TMEM38B: variants seen among roughly 807,000 people sequenced by gnomAD.
TMEM38B encodes trimeric intracellular cation channel type B.
In TMEM38B, 24 loss-of-function variants were observed where a neutral mutation model predicts 28.7. The observed-to-expected ratio is 0.84, with a 90% CI of 0.61 to 1.18. The LOEUF (loss-of-function observed/expected upper bound fraction) is 1.18. Ranked by LOEUF, TMEM38B falls within the 50% of genes most tolerant of loss-of-function variation. The pLI is 0.00. For synonymous variants in TMEM38B, 131 were observed against 127.7 expected, an observed-to-expected ratio of 1.03 and a Z score of -0.17; for missense variants, 380 against 350.9, an observed-to-expected ratio of 1.08 and a Z score of -0.66.
chr9:105,760,284 C>T, intron 5 of TMEM38B: 1 of 785,284 alleles, frequency 1.3e-6, no homozygotes, highest in Non-Finnish European at 2.3e-6. Context: ...GTGTGCTATG[C>T]TGTGCTGAAA....
In TMEM38B at chr9:105,775,443, T is replaced by C. The variant is rs1233183124; in HGVS notation, c.*1363T>C. On this transcript the variant is annotated 3_prime_UTR_variant, in exon 6 of 6. Transcript: ENST00000374692. ...AACCTACTCCCCGTATCAGGTATTTTCGATGGTTTAGAAGTACTCAAGTCA... is the reference window on the plus strand; with the variant it reads ...AACCTACTCCCCGTATCAGGTATTTCCGATGGTTTAGAAGTACTCAAGTCA... The C allele has an allele frequency of 4.6e-5, 7 of 152,152 alleles. No homozygotes were observed. Among genetic ancestry groups the C allele is most frequent in the African/African-American group, 1.7e-4 (7 of 41,468 alleles). 9.4% of individuals were successfully genotyped at this position (152,152 alleles called of 1,614,324 possible).
chr9:105,736,871 A>G (rs554497103), intron 4 of TMEM38B, among the ~76,000 whole-genome samples: 1 of 152,300 alleles, frequency 6.6e-6, no homozygotes, highest in Non-Finnish European at 1.5e-5. Context: ...AATCAATGTC[A>G]TTGATGACCT....
chr9:105,759,412 A>G (rs10759135), intron 5 of TMEM38B: 143,770 of 1,549,394 alleles, frequency 0.093, 10,515 homozygotes, highest in East Asian at 0.43. Flanking sequence ...GAGACTACGG[A>G]TAAGCAATCC....
intron 2 of TMEM38B, chr9:105,710,787 C>G (rs935205132): frequency 2.4e-5 from 12 of 496,738 alleles, no homozygotes; most frequent in African/African-American, 2.1e-4. Context: ...GACATGAAGG[C>G]TGCGTGTCTC....
At chr9:105,759,442 G>GCT in intron 5 of TMEM38B, 2 of 1,561,626 alleles carry the variant, frequency 1.3e-6, no homozygotes, top group Non-Finnish European at 1.7e-6. Flanking sequence ...AGAAAGATGT[G>GCT]CTAAGAAAAT....
rs753596118 is a variant in TMEM38B at position 105,748,055 on chromosome 9, A to G, written c.543-18A>G. 1.3e-6 allele frequency: 2 copies of G among 1,537,924 alleles called. No individual in the cohort carries two copies. Among genetic ancestry groups the G allele is most frequent in the East Asian group, 4.5e-5 (2 of 44,458 alleles). On this transcript the variant is annotated intron_variant, in intron 4 of 5. Transcript: ENST00000374692. ...TCATATTTATTACTTGCTGATTTAA[A>G]ATGTGTTTTATTTTCAGCCCTGCCA...
intron 5 of TMEM38B, among the ~76,000 whole-genome samples, chr9:105,753,494 A>T (rs1420887037): frequency 5.9e-5 from 9 of 152,330 alleles, no homozygotes; most frequent in East Asian, 3.9e-4. Flanking sequence ...GAGCCAGAAG[A>T]GATTGGGGGC....
At chr9:105,730,646 G>C (rs138028210) in intron 4 of TMEM38B, among the ~76,000 whole-genome samples, 1 of 152,128 alleles carries the variant, frequency 6.6e-6, no homozygotes, top group African/African-American at 2.4e-5. Flanking sequence ...AATGGTACTA[G>C]CTCCTCTTTA....
intron 4 of TMEM38B, among the ~76,000 whole-genome samples, chr9:105,728,780 G>A (rs888384953): frequency 9.9e-5 from 15 of 152,126 alleles, no homozygotes; most frequent in Admixed American, 2.0e-4. Context: ...TCTGACTGGC[G>A]TGAGATGGTA....
intron 4 of TMEM38B, 127 bp from the exon 5 acceptor site, chr9:105,747,946 C>A: frequency 3.2e-6 from 2 of 632,778 alleles, no homozygotes; most frequent in Non-Finnish European, 5.5e-6. Flanking sequence ...AGTGTTTTAA[C>A]AAAACTCATT....
intron 4 of TMEM38B, among the ~76,000 whole-genome samples, chr9:105,740,768 G>C (rs376191573): frequency 2.6e-5 from 4 of 152,048 alleles, no homozygotes; most frequent in Admixed American, 2.0e-4. Flanking sequence ...TAAAATATAC[G>C]TATTGTGGAA....
intron 5 of TMEM38B, among the ~76,000 whole-genome samples, chr9:105,753,290 A>G (rs1458944076): frequency 1.3e-5 from 2 of 152,186 alleles, no homozygotes; most frequent in Non-Finnish European, 2.9e-5. Flanking sequence ...AGACAAGCCA[A>G]CATTCAAGTT....
chr9:105,765,996 T>C (rs529740723), intron 5 of TMEM38B, among the ~76,000 whole-genome samples: 1 of 152,016 alleles, frequency 6.6e-6, no homozygotes, highest in South Asian at 2.1e-4. Flanking sequence ...AGAGACGGGG[T>C]TTCACCATAT....
intron 4 of TMEM38B, among the ~76,000 whole-genome samples, chr9:105,745,431 GTTGT>G (rs1374525408): frequency 3.3e-5 from 5 of 152,176 alleles, no homozygotes; most frequent in Non-Finnish European, 7.3e-5. Context: ...TGTTGATGGG[GTTGT>G]TTGTTTTTTT....
At chr9:105,721,501 C>T in intron 2 of TMEM38B, 36 bp from the exon 3 acceptor site, 1 of 1,422,038 alleles carries the variant, frequency 7.0e-7, no homozygotes, top group East Asian at 2.5e-5. Flanking sequence ...CTTCTGATTC[C>T]ATTAATATAT....
intron 5 of TMEM38B, chr9:105,759,055 C>A: frequency 1.2e-6 from 1 of 827,170 alleles, no homozygotes; most frequent in South Asian, 1.3e-5. Flanking sequence ...GATGACCTCC[C>A]TCACTGGGTA....
At chr9:105,752,571 C>A (rs150577304) in intron 5 of TMEM38B, among the ~76,000 whole-genome samples, 2 of 152,072 alleles carry the variant, frequency 1.3e-5, no homozygotes, top group Admixed American at 1.3e-4. Context: ...CTCAGCAAAC[C>A]GCAGCAACCC....
intron 5 of TMEM38B, among the ~76,000 whole-genome samples, chr9:105,764,681 C>G (rs1261465317): frequency 1.3e-5 from 2 of 151,146 alleles, no homozygotes; most frequent in African/African-American, 4.9e-5. Flanking sequence ...AGATTCAATG[C>G]CATCCCCATC....
intron 2 of TMEM38B, among the ~76,000 whole-genome samples, chr9:105,718,125 C>T (rs1025773513): frequency 6.6e-6 from 1 of 151,998 alleles, no homozygotes; most frequent in African/African-American, 2.4e-5. Context: ...TTACCTTTGT[C>T]TTCAGAGATC....
Sources: gnomAD v4.1 joint callset for allele counts (sites outside exome capture counted in the v4.1 genomes callset) on GRCh38, gnomAD v4.1.1 for gene constraint, MANE v1.5 for transcripts, NCBI Gene and HGNC (gene_info 2026-07-23, HGNC 2026-07-21) for gene names.